TSGA10: variants seen among roughly 807,000 people sequenced by gnomAD.
TSGA10 encodes the protein testis-specific gene 10 protein.
In TSGA10, 43 loss-of-function variants were observed where a neutral mutation model predicts 96.6. The ratio of observed to expected loss-of-function variants is 0.44; its 90% CI spans 0.35 to 0.57. The LOEUF (loss-of-function observed/expected upper bound fraction) is 0.57. Ranked by LOEUF, TSGA10 falls within the 20% of genes least tolerant of loss-of-function variation. The probability of loss-of-function intolerance (pLI) is 0.01; values close to 1 mark genes in which losing one functional copy is unlikely to be tolerated. For missense variants in TSGA10, 703 were observed against 834.4 expected (o/e 0.84, Z 1.94); for synonymous variants, 229 against 269.9 (o/e 0.85, Z 1.48).
intron 10 of TSGA10, among the ~76,000 whole-genome samples, chr2:99,088,484 G>A (rs1558976119): frequency 6.6e-6 from 1 of 152,118 alleles, no homozygotes; most frequent in African/African-American, 2.4e-5. Flanking sequence ...ATCCCCCCTC[G>A]ATAAGAGGGG....
chr2:99,012,501 G>A lies in TSGA10; in HGVS notation c.2072+5699C>T, dbSNP rs529560052. Among the ~76,000 whole-genome samples the A allele has an allele frequency of 1.3e-4, 20 of 152,188 alleles. 1 individual carries two copies. The South Asian group carries it at 2.9e-3, about 22-fold the overall frequency. On this transcript the variant is annotated intron_variant, in intron 20 of 20. Coordinates refer to ENST00000393483, the MANE Select transcript of TSGA10 (RefSeq NM_025244.4). ...TAAAGGGTGGAAAAAGATATTCCAC[G>A]CAAATGGAAAGTGAGCAAGAGTAGC...
At position 99,037,587 on chromosome 2, in the gene TSGA10, G is replaced by A. The variant is rs187981624; in HGVS notation, c.1405-2148C>T. Among the ~76,000 whole-genome samples, 721 of 152,246 alleles carry A rather than the reference G, an allele frequency of 4.7e-3. 9 individuals carry two copies. Among genetic ancestry groups the A allele is most frequent in the African/African-American group, 0.017 (686 of 41,544 alleles). Reference sequence around the variant, plus strand: ...AACCTGGCCGGGTGTGGTGGCTCACGTCTGTAATCCTAGCACTTTGGGAGG... The same window carrying A: ...AACCTGGCCGGGTGTGGTGGCTCACATCTGTAATCCTAGCACTTTGGGAGG... On this transcript the variant is annotated intron_variant, in intron 16 of 20. Transcript: ENST00000393483.
intron 1 of TSGA10, among the ~76,000 whole-genome samples, chr2:99,135,653 G>A (rs2093293688): frequency 6.6e-6 from 1 of 152,100 alleles, no homozygotes; most frequent in African/African-American, 2.4e-5. Flanking sequence ...GTGTGATCTT[G>A]GGCGACCTGG....
At chr2:99,029,087 G>A (rs1041242255) in intron 17 of TSGA10, among the ~76,000 whole-genome samples, 5 of 152,286 alleles carry the variant, frequency 3.3e-5, no homozygotes, top group Admixed American at 1.3e-4. Context: ...GTGACAAAAT[G>A]TCTATAGTGG....
intron 4 of TSGA10, among the ~76,000 whole-genome samples, chr2:99,111,383 T>C (rs2091796779): frequency 6.6e-6 from 1 of 152,164 alleles, no homozygotes; most frequent in Non-Finnish European, 1.5e-5. Flanking sequence ...TCTTATAAGA[T>C]AGGTACCTAT....
At chr2:99,062,355 TATTAGAA>T (rs2084796259) in intron 16 of TSGA10, among the ~76,000 whole-genome samples, 1 of 152,170 alleles carries the variant, frequency 6.6e-6, no homozygotes, top group Non-Finnish European at 1.5e-5. Context: ...CTGATCACAA[TATTAGAA>T]ACATTAGACA....
intron 4 of TSGA10, among the ~76,000 whole-genome samples, chr2:99,116,284 A>G (rs1162767238): frequency 6.6e-6 from 1 of 152,210 alleles, no homozygotes; most frequent in Non-Finnish European, 1.5e-5. Flanking sequence ...ATTAGGCAGC[A>G]ATGGAGAAGT....
chr2:99,048,385 A>G (rs2083019253), intron 16 of TSGA10, among the ~76,000 whole-genome samples: 1 of 152,230 alleles, frequency 6.6e-6, no homozygotes, highest in African/African-American at 2.4e-5. Flanking sequence ...ATATATACAC[A>G]CACACCAATG....
At chr2:99,089,904 T>C (rs542313221) in intron 10 of TSGA10, among the ~76,000 whole-genome samples, 42 of 152,222 alleles carry the variant, frequency 2.8e-4, no homozygotes, top group Non-Finnish European at 5.0e-4. Context: ...TATACTACCA[T>C]AGCTGATGCT....
rs11430590 is a variant in TSGA10 at position 99,137,001 on chromosome 2, CTTTTTT to C, written c.-620-9831_-620-9826del. On this transcript the variant is annotated intron_variant, in intron 1 of 20. Coordinates refer to ENST00000393483, the MANE Select transcript of TSGA10 (RefSeq NM_025244.4). ...CTTTAACGTGTCTAAAACAGACTTC[CTTTTTT>C]TTTTTTTTTTTGAGACAGTCGTGCT... Among the ~76,000 whole-genome samples the C allele has an allele frequency of 4.6e-5, 6 of 129,280 alleles. No individual in the cohort carries two copies. The Admixed American group carries it at 4.9e-4, about 11-fold the overall frequency. The allele number at this position is 129,280 out of a possible 152,430, so 84.8% of individuals were successfully genotyped here.
intron 16 of TSGA10, among the ~76,000 whole-genome samples, chr2:99,035,677 A>G (rs2081557485): frequency 6.6e-6 from 1 of 150,934 alleles, no homozygotes; most frequent in African/African-American, 2.4e-5. Flanking sequence ...ATTCTTTTTA[A>G]TGTACTTAGG....
chr2:99,152,050 G>A (rs981868252), intron 1 of TSGA10, among the ~76,000 whole-genome samples: 3 of 152,086 alleles, frequency 2.0e-5, no homozygotes, highest in Non-Finnish European at 4.4e-5. Context: ...TTTACAGAAC[G>A]TAATTCTTTA....
chr2:99,043,629 C>A (rs948728195), intron 16 of TSGA10, among the ~76,000 whole-genome samples: 3 of 152,062 alleles, frequency 2.0e-5, no homozygotes, highest in Non-Finnish European at 4.4e-5. Flanking sequence ...TTGAAAGCAG[C>A]AAGGGAAAAA....
chr2:99,131,688 G>A (rs545374189), intron 1 of TSGA10, among the ~76,000 whole-genome samples: 12 of 152,216 alleles, frequency 7.9e-5, no homozygotes, highest in Non-Finnish European at 1.2e-4. Context: ...GGGCATCCTT[G>A]TCTTGTGCTG....
At chr2:99,055,235 T>C (rs1315798874) in intron 16 of TSGA10, among the ~76,000 whole-genome samples, 3 of 152,180 alleles carry the variant, frequency 2.0e-5, no homozygotes, top group South Asian at 2.1e-4. Context: ...AGGTTCATTA[T>C]GCTAAGTGAG....
At chr2:99,109,166 T>G (rs1432381029) in intron 6 of TSGA10, among the ~76,000 whole-genome samples, 175 bp from the exon 7 acceptor site, 1 of 152,190 alleles carries the variant, frequency 6.6e-6, no homozygotes, top group Non-Finnish European at 1.5e-5. Context: ...TCCAAATTAT[T>G]CCACATTTGC....
chr2:99,153,320 A>G (rs538185090), intron 1 of TSGA10, among the ~76,000 whole-genome samples: 10 of 152,364 alleles, frequency 6.6e-5, no homozygotes, highest in African/African-American at 2.4e-4. Flanking sequence ...GAGAAAGTAG[A>G]TACTGGATGT....
chr2:99,137,491 A>T (rs1559132652), intron 1 of TSGA10, among the ~76,000 whole-genome samples: 2 of 152,124 alleles, frequency 1.3e-5, no homozygotes, highest in Admixed American at 6.5e-5. Context: ...CAAAGTTTGG[A>T]TTTTATTTTT....
rs945318892 is a variant in TSGA10, at chr2:99,018,592, T to C, written c.1866A>G (p.Gln622=). ...TGGTAATGTCTAAATCAGCTTCCAA[T>C]TGTGTGACAACATTTCTGAACTGGG... ...DVAQFRNVVT[Q]LEADLDITKR... is the part of the protein sequence containing the mutation. The change falls in exon 19 of 21, where the codon CAA becomes CAG. Residue 622 remains glutamine (Q), a synonymous_variant. Transcript: ENST00000393483. 1 of 1,614,072 alleles carries C rather than the reference T, an allele frequency of 6.2e-7. No homozygotes were observed. The highest frequency in any genetic ancestry group is 8.5e-7 in the Non-Finnish European group (1 of 1,179,982).
Sources: gnomAD v4.1 joint callset for allele counts (sites outside exome capture counted in the v4.1 genomes callset) on GRCh38, gnomAD v4.1.1 for gene constraint, MANE v1.5 for transcripts, NCBI Gene and HGNC (gene_info 2026-07-23, HGNC 2026-07-21) for gene names.